The following TRIQK variants were observed in gnomAD, a reference collection of about 807,000 sequenced individuals.
TRIQK encodes triple QxxK/R motif containing.
TRIQK carries 10 observed loss-of-function variants against 10.8 expected under a neutral mutation model. That is an observed-to-expected ratio of 0.92 (90% CI 0.57 to 1.57). TRIQK has a LOEUF of 1.57. Ranked by LOEUF, TRIQK falls within the 40% of genes most tolerant of loss-of-function variation. The probability of loss-of-function intolerance (pLI) is 0.00; values close to 1 mark genes in which losing one functional copy is unlikely to be tolerated. For synonymous variants in TRIQK, 33 were observed against 33.7 expected (o/e 0.98, Z 0.07); for missense variants, 107 against 97.7 (o/e 1.09, Z -0.40).
At chr8:92,902,306 C>T (rs941931065) in intron 3 of TRIQK, among the ~76,000 whole-genome samples, 1 of 152,150 alleles carries the variant, frequency 6.6e-6, no homozygotes, top group African/African-American at 2.4e-5. Context: ...TAAATGCTCC[C>T]TCTGTGGGCA....
At chr8:93,004,285 G>T (rs1459622396) in intron 1 of TRIQK, among the ~76,000 whole-genome samples, 1 of 152,178 alleles carries the variant, frequency 6.6e-6, no homozygotes, top group Non-Finnish European at 1.5e-5. Flanking sequence ...ACACCACATG[G>T]AAACTGCCAA....
At chr8:92,938,429 T>C (rs2130593599) in intron 2 of TRIQK, among the ~76,000 whole-genome samples, 2 of 152,260 alleles carry the variant, frequency 1.3e-5, no homozygotes, top group East Asian at 3.9e-4. Context: ...TTAATGATTT[T>C]TGCATTATTG....
upstream of TRIQK, among the ~76,000 whole-genome samples, chr8:92,969,554 GTT>G (rs907902863): frequency 7.1e-5 from 10 of 139,922 alleles, no homozygotes; most frequent in African/African-American, 2.1e-4. Flanking sequence ...TCTTATGACA[GTT>G]TTTTTTTTTT....
chr8:92,885,141 G>A lies in TRIQK; in HGVS notation c.*1481C>T. ...CAGATGTTTGGCATAAATGATTTGT[G>A]AGGATATTGGAACCTTTGGCTGTTT... On this transcript the variant is annotated 3_prime_UTR_variant, in exon 5 of 5. Coordinates refer to ENST00000521988, the MANE Select transcript of TRIQK (RefSeq NM_001171797.2). 5.1e-6 allele frequency: 2 copies of A among 395,184 alleles called. No individual in the cohort carries two copies. Among genetic ancestry groups the A allele is most frequent in the South Asian group, 3.7e-5 (2 of 54,078 alleles). 24.5% of individuals were successfully genotyped at this position (395,184 alleles called of 1,614,324 possible).
At chr8:93,000,452 G>A (rs1262829676) in intron 1 of TRIQK, among the ~76,000 whole-genome samples, 1 of 152,108 alleles carries the variant, frequency 6.6e-6, no homozygotes, top group Non-Finnish European at 1.5e-5. Flanking sequence ...ATCAGTTCTT[G>A]TGAGACTGAA....
chr8:92,886,907 CT>C, intron 4 of TRIQK, 172 bp from the exon 5 acceptor site: 1 of 440,172 alleles, frequency 2.3e-6, no homozygotes. Context: ...CTGTTTTGTA[CT>C]GGCAAGTCCC....
At chr8:92,937,747 T>C (rs1811066198) in intron 2 of TRIQK, among the ~76,000 whole-genome samples, 2 of 151,856 alleles carry the variant, frequency 1.3e-5, no homozygotes, top group Admixed American at 6.6e-5. Flanking sequence ...AATAATATTA[T>C]ACTACTCTAC....
chr8:92,891,297 T>C (rs963964444), intron 4 of TRIQK, among the ~76,000 whole-genome samples: 3 of 151,946 alleles, frequency 2.0e-5, no homozygotes, highest in African/African-American at 7.2e-5. Flanking sequence ...ATAAAATATA[T>C]GTACTGGTCA....
At chr8:92,972,909 A>T (rs1812889243) in intron 1 of TRIQK, 1 of 152,140 alleles carries the variant, frequency 6.6e-6, no homozygotes, top group Non-Finnish European at 1.5e-5. Flanking sequence ...CTTTGAACTT[A>T]TTTTTTGTAA....
chr8:92,946,439 A>G (rs915215308), intron 2 of TRIQK, among the ~76,000 whole-genome samples: 1 of 152,164 alleles, frequency 6.6e-6, no homozygotes, highest in Non-Finnish European at 1.5e-5. Context: ...TCTTTCTTAA[A>G]GGGAAAAAGT....
intron 4 of TRIQK, among the ~76,000 whole-genome samples, chr8:92,889,233 TA>T (rs1816640526): frequency 6.6e-6 from 1 of 151,692 alleles, no homozygotes; most frequent in Non-Finnish European, 1.5e-5. Flanking sequence ...GTTAAGCCCC[TA>T]TTGTATAATT....
chr8:93,003,935 A>G (rs1813240319), intron 1 of TRIQK, among the ~76,000 whole-genome samples: 1 of 152,220 alleles, frequency 6.6e-6, no homozygotes, highest in African/African-American at 2.4e-5. Context: ...CCAAGGCCTT[A>G]GGTAGCTCTC....
chr8:92,981,477 T>C (rs1360213386), intron 1 of TRIQK, among the ~76,000 whole-genome samples: 1 of 151,952 alleles, frequency 6.6e-6, no homozygotes, highest in African/African-American at 2.4e-5. Flanking sequence ...TTTTAAACTT[T>C]CTCACTATGA....
At chr8:92,966,717 T>TA (rs1369000318), upstream of TRIQK, among the ~76,000 whole-genome samples, 11 of 152,102 alleles carry the variant, frequency 7.2e-5, no homozygotes, top group African/African-American at 2.7e-4. Flanking sequence ...ATGTAATCCT[T>TA]ACAAAACCCA....
intron 1 of TRIQK, among the ~76,000 whole-genome samples, chr8:93,006,996 G>C (rs1048070759): frequency 4.6e-5 from 7 of 152,206 alleles, no homozygotes; most frequent in African/African-American, 1.7e-4. Flanking sequence ...CCATCGCCAA[G>C]GGGCAGCCAG....
intron 3 of TRIQK, among the ~76,000 whole-genome samples, chr8:92,897,524 G>T (rs955309491): frequency 6.6e-6 from 1 of 152,068 alleles, no homozygotes; most frequent in African/African-American, 2.4e-5. Context: ...GAATGAGCTT[G>T]GTCCCTTTCC....
intron 1 of TRIQK, among the ~76,000 whole-genome samples, chr8:92,988,180 T>C (rs1370395925): frequency 6.7e-6 from 1 of 148,426 alleles, no homozygotes; most frequent in Non-Finnish European, 1.5e-5. Flanking sequence ...CCGGCTAAAT[T>C]TTTTTTTTTG....
intron 1 of TRIQK, among the ~76,000 whole-genome samples, chr8:92,993,474 C>T (rs1323820687): frequency 1.3e-5 from 2 of 152,128 alleles, no homozygotes; most frequent in Non-Finnish European, 2.9e-5. Context: ...AGATAAAGAT[C>T]ACTTTGATAC....
chr8:92,942,691 C>A (rs756144568), intron 2 of TRIQK, among the ~76,000 whole-genome samples: 2 of 152,076 alleles, frequency 1.3e-5, no homozygotes, highest in East Asian at 3.9e-4. Flanking sequence ...ATACAAAAGT[C>A]AGTAGTATTT....
Sources: gnomAD v4.1 joint callset for allele counts (sites outside exome capture counted in the v4.1 genomes callset) on GRCh38, gnomAD v4.1.1 for gene constraint, MANE v1.5 for transcripts, NCBI Gene and HGNC (gene_info 2026-07-23, HGNC 2026-07-21) for gene names.